DEPDC7: variants seen among roughly 807,000 people sequenced by gnomAD.
The protein encoded by DEPDC7 is DEP domain-containing protein 7.
DEPDC7 carries 41 observed loss-of-function variants against 56.6 expected under a neutral mutation model. That is an observed-to-expected ratio of 0.72 (90% confidence interval 0.56 to 0.94). The LOEUF is 0.94. Ranked by LOEUF, DEPDC7 falls within the 40% of genes least tolerant of loss-of-function variation. The pLI is 0.00. For missense variants in DEPDC7, 522 were observed against 596.3 expected, an observed-to-expected ratio of 0.88 and a Z score of 1.30; for synonymous variants, 185 against 208.8, an observed-to-expected ratio of 0.89 and a Z score of 0.98.
At chr11:33,024,342 G>A (rs746143955) in intron 1 of DEPDC7, among the ~76,000 whole-genome samples, 12 of 152,152 alleles carry the variant, frequency 7.9e-5, no homozygotes, top group East Asian at 1.9e-4. Context: ...TTACTTTACC[G>A]CGCATACAAA....
intron 1 of DEPDC7, 98 bp downstream of exon 1, chr11:33,016,126 C>T (rs1357986967): frequency 5.6e-6 from 7 of 1,241,050 alleles, no homozygotes; most frequent in Admixed American, 4.4e-5. Flanking sequence ...CGTTCGGCCG[C>T]CTGCGCCTGT....
chr11:33,020,396 A>G (rs750857296), intron 1 of DEPDC7, among the ~76,000 whole-genome samples: 41 of 152,358 alleles, frequency 2.7e-4, no homozygotes, highest in Middle Eastern at 3.4e-3. Context: ...CAAGCAAATA[A>G]GGATGAGACT....
Position 33,033,455 on chromosome 11 carries a change from A to G in DEPDC7, c.1536A>G (p.Ter512TrpextTer7), listed in dbSNP as rs1853655498. 1 of 1,544,538 alleles carries G rather than the reference A, an allele frequency of 6.5e-7. No homozygotes were observed. Among genetic ancestry groups the G allele is most frequent in the African/African-American group, 1.4e-5 (1 of 71,718 alleles). Reference sequence around the variant, plus strand: ...TCTTTATTGAGCATTTTGGAGACTGAGTTTTTAATATCTGTATATAAGTTG... The same window carrying G: ...TCTTTATTGAGCATTTTGGAGACTGGGTTTTTAATATCTGTATATAAGTTG... ...PDIFIEHFGD[*>W] The change falls in exon 9 of 9, where the codon TGA (stop) becomes TGG (tryptophan). Residue 512 changes from the stop codon to tryptophan (W), a stop_lost. Coordinates refer to ENST00000241051, the MANE Select transcript of DEPDC7 (RefSeq NM_001077242.2).
chr11:33,018,096 C>T (rs1029491735), intron 1 of DEPDC7, among the ~76,000 whole-genome samples: 1 of 152,172 alleles, frequency 6.6e-6, no homozygotes, highest in African/African-American at 2.4e-5. Flanking sequence ...TACCTGCAGC[C>T]TTCTTTTCAG....
chr11:33,027,789 A>G lies in DEPDC7; in HGVS notation c.568A>G (p.Ile190Val), dbSNP rs770361389. The change falls in exon 3 of 9, where the codon ATC (isoleucine) becomes GTC (valine). Residue 190 changes from isoleucine (I) to valine (V), a missense_variant. Ile to Val is a conservative substitution (Grantham distance 29, BLOSUM62 3). Coordinates refer to ENST00000241051, the MANE Select transcript of DEPDC7 (RefSeq NM_001077242.2). ...GCCTGCCAACTCCCCTCATGTAAATATCTCTGCAACCTTGTCTCCACAAGG... is the reference window on the plus strand; with the variant it reads ...GCCTGCCAACTCCCCTCATGTAAATGTCTCTGCAACCTTGTCTCCACAAGG... ...LKPANSPHVN[I>V]SATLSPQVIN... 6.3e-7 allele frequency: 1 copy of G among 1,577,144 alleles called. No individual in the cohort carries two copies. Among genetic ancestry groups the G allele is most frequent in the Non-Finnish European group, 8.6e-7 (1 of 1,165,908 alleles).
chr11:33,019,023 A>G lies in DEPDC7; in HGVS notation c.73+2995A>G, dbSNP rs576964703. On this transcript the variant is annotated intron_variant, in intron 1 of 8. Transcript: ENST00000241051. Reference sequence around the variant, plus strand: ...TAGGCAGTTTGCCCAAGATCGTGTTATTAGTAAATGATGGACCCAACAACG... The same window carrying G: ...TAGGCAGTTTGCCCAAGATCGTGTTGTTAGTAAATGATGGACCCAACAACG... Among the ~76,000 whole-genome samples, 149 of 152,310 alleles carry G rather than the reference A, an allele frequency of 9.8e-4. 1 individual carries two copies. Among genetic ancestry groups the G allele is most frequent in the African/African-American group, 3.5e-3 (146 of 41,562 alleles).
intron 1 of DEPDC7, among the ~76,000 whole-genome samples, chr11:33,021,620 C>G (rs1853525383): frequency 6.6e-6 from 1 of 152,170 alleles, no homozygotes; most frequent in Admixed American, 6.5e-5. Flanking sequence ...GTCCAGGGTA[C>G]ATTGTGTATG....
chr11:33,027,819 C>A lies in DEPDC7; in HGVS notation c.592+6C>A. The A allele has an allele frequency of 1.3e-6, 2 of 1,536,680 alleles. No individual in the cohort carries two copies. Among genetic ancestry groups the A allele is most frequent in the Non-Finnish European group, 8.7e-7 (1 of 1,150,000 alleles). ...TGCAACCTTGTCTCCACAAGGTAAG[C>A]TAAGGATGAAGCAAAGTAAGAAGTA... On this transcript the variant is annotated splice_donor_region_variant and intron_variant, in intron 3 of 8. Transcript: ENST00000241051.
At chr11:33,018,164 T>C (rs1343306823) in intron 1 of DEPDC7, among the ~76,000 whole-genome samples, 1 of 152,238 alleles carries the variant, frequency 6.6e-6, no homozygotes, top group East Asian at 1.9e-4. Context: ...AAAATAAACT[T>C]TGGACTACCA....
intron 3 of DEPDC7, 187 bp from the exon 4 acceptor site, chr11:33,028,416 T>C: frequency 2.1e-6 from 1 of 470,944 alleles, no homozygotes. Flanking sequence ...GTCCAAAGCC[T>C]ATTCTCCTAC....
intron 1 of DEPDC7, among the ~76,000 whole-genome samples, chr11:33,024,838 G>GTA (rs1554938161): frequency 7.1e-6 from 1 of 141,030 alleles, no homozygotes; most frequent in African/African-American, 2.7e-5. Flanking sequence ...GTGTGTGTGT[G>GTA]TATGACTCAT....
At chr11:33,016,092 C>T in intron 1 of DEPDC7, 64 bp downstream of exon 1, 5 of 1,291,076 alleles carry the variant, frequency 3.9e-6, no homozygotes, top group Non-Finnish European at 4.9e-6. Flanking sequence ...GGCTGGGTCC[C>T]GGCGCGGGGC....
In DEPDC7 at chr11:33,015,900, G is replaced by C; in HGVS notation, c.-56G>C. 1 of 1,511,276 alleles carries C rather than the reference G, an allele frequency of 6.6e-7. No individual in the cohort carries two copies. The highest frequency in any genetic ancestry group is 1.2e-5 in the South Asian group (1 of 81,094). The allele number at this position is 1,511,276 out of a possible 1,614,324, so 93.6% of individuals were successfully genotyped here. On this transcript the variant is annotated 5_prime_UTR_variant, in exon 1 of 9. Transcript: ENST00000241051. ...CGCACAGTTAACAGACGGGCGCTCA[G>C]GGAGCTAGGGAGCTGTGAAGCTGCT... is the stretch of plus-strand genomic sequence containing the variant.
intron 4 of DEPDC7, among the ~76,000 whole-genome samples, chr11:33,030,330 T>A (rs1853620262): frequency 6.6e-6 from 1 of 152,146 alleles, no homozygotes; most frequent in African/African-American, 2.4e-5. Context: ...TCTTATCATA[T>A]AAAGTTGAAG....
At chr11:33,030,187 C>T (rs752849412) in intron 4 of DEPDC7, among the ~76,000 whole-genome samples, 8 of 152,070 alleles carry the variant, frequency 5.3e-5, no homozygotes, top group Non-Finnish European at 8.8e-5. Context: ...CTTGAACTCC[C>T]GACCTTGTGA....
chr11:33,027,749 A>G lies in DEPDC7; in HGVS notation c.528A>G (p.Glu176=). 20 of 1,577,920 alleles carry G rather than the reference A, an allele frequency of 1.3e-5. No homozygotes were observed. Among genetic ancestry groups the G allele is most frequent in the Non-Finnish European group, 1.6e-5 (19 of 1,166,996 alleles). Residue 176 remains glutamate (E), a synonymous_variant, in exon 3 of 9, where the codon GAA becomes GAG. Coordinates refer to ENST00000241051, the MANE Select transcript of DEPDC7 (RefSeq NM_001077242.2). ...CAGCCAGTTTAGAGGACCTGTGGGA[A>G]AATCTGAGTTTAAAGCCTGCCAACT... ...IRSASLEDLW[E]NLSLKPANSP...
At chr11:33,025,572 C>T in intron 1 of DEPDC7, 87 bp from the exon 2 acceptor site, 1 of 1,303,326 alleles carries the variant, frequency 7.7e-7, no homozygotes, top group Non-Finnish European at 1.1e-6. Flanking sequence ...TGGAAATTAC[C>T]ACATTTTTGC....
At chr11:33,033,090 T>A in intron 8 of DEPDC7, 123 bp downstream of exon 8, 1 of 958,252 alleles carries the variant, frequency 1.0e-6, no homozygotes, top group South Asian at 1.8e-5. Context: ...CTCCTCAGAG[T>A]TATTCATACA....
chr11:33,025,582 C>G, intron 1 of DEPDC7, 77 bp from the exon 2 acceptor site: 2 of 1,399,462 alleles, frequency 1.4e-6, no homozygotes, highest in Non-Finnish European at 9.7e-7. Flanking sequence ...CACATTTTTG[C>G]CTAAGGATTG....
Sources: gnomAD v4.1 joint callset for allele counts (sites outside exome capture counted in the v4.1 genomes callset) on GRCh38, gnomAD v4.1.1 for gene constraint, MANE v1.5 for transcripts, NCBI Gene and HGNC (gene_info 2026-07-23, HGNC 2026-07-21) for gene names.